The following VWA3A variants were observed in gnomAD, a reference collection of about 807,000 sequenced individuals.
VWA3A encodes the protein von Willebrand factor A domain-containing protein 3A.
A neutral mutation model predicts 160.4 loss-of-function variants in VWA3A; 134 were observed. The observed-to-expected ratio is 0.84, with a 90% CI of 0.73 to 0.96. The LOEUF (loss-of-function observed/expected upper bound fraction) is 0.96, where lower values mean the gene tolerates loss of function less well. Among genes scored for constraint, VWA3A ranks in the 40% least tolerant of loss-of-function variants. The pLI is 0.00. For missense variants in VWA3A, 1,310 were observed against 1,447.9 expected, an observed-to-expected ratio of 0.90 and a Z score of 1.55; for synonymous variants, 476 against 543.4, an observed-to-expected ratio of 0.88 and a Z score of 1.72.
At chr16:22,134,752 TA>T (rs2046011421) in intron 21 of VWA3A, among the ~76,000 whole-genome samples, 1 of 152,164 alleles carries the variant, frequency 6.6e-6, no homozygotes, top group African/African-American at 2.4e-5. Flanking sequence ...ACTATTGCAA[TA>T]GGGGAGAGAG....
At chr16:22,117,627 A>G (rs770056249) in intron 11 of VWA3A, among the ~76,000 whole-genome samples, 26 of 152,202 alleles carry the variant, frequency 1.7e-4, no homozygotes, top group Non-Finnish European at 3.4e-4. Context: ...CGATCCATCC[A>G]TTACTGTCCT....
In VWA3A at chr16:22,155,708, G is replaced by C. The variant is rs1229220286; in HGVS notation, c.3503+44G>C. On this transcript the variant is annotated intron_variant, in intron 32 of 33. Coordinates refer to ENST00000389398, the MANE Select transcript of VWA3A (RefSeq NM_173615.5). ...CTCTCCGGCCTGCCATGTGGCTACA[G>C]CCCATGCAGACCCCGGACCCCATCG... 1.9e-6 allele frequency: 3 copies of C among 1,605,034 alleles called. No individual in the cohort carries two copies. The African/African-American group carries it at 4.0e-5, about 21-fold the overall frequency.
In VWA3A at chr16:22,119,046, A is replaced by G. The variant is rs1158178367; in HGVS notation, c.1116+19A>G. 1 of 1,592,452 alleles carries G rather than the reference A, an allele frequency of 6.3e-7. No homozygotes were observed. The highest frequency in any genetic ancestry group is 1.1e-5 in the South Asian group (1 of 88,448). On this transcript the variant is annotated intron_variant, in intron 12 of 33. Coordinates refer to ENST00000389398, the MANE Select transcript of VWA3A (RefSeq NM_173615.5). ...GGAGGAGGTAGGTGGTGCGAGTGTC[A>G]ATTCTGGGGCCTTCTCCCAGCAGCA... is the stretch of plus-strand genomic sequence containing the variant.
Position 22,115,891 on chromosome 16 carries a change from A to G in VWA3A, c.815+419A>G, listed in dbSNP as rs1194105769. On this transcript the variant is annotated intron_variant, in intron 9 of 33. Coordinates refer to ENST00000389398, the MANE Select transcript of VWA3A (RefSeq NM_173615.5). ...GAAGGAAGGAAGGAAGGAAGGAAGG[A>G]AGGAAGGAAGGAAGGAAGGAAGGAA... Among the ~76,000 whole-genome samples, 6 of 34,440 alleles carry G rather than the reference A, an allele frequency of 1.7e-4. No homozygotes were observed. In the East Asian group the frequency reaches 0.019, roughly 109 times the overall value. The allele number at this position is 34,440 out of a possible 152,430, so 22.6% of individuals were successfully genotyped here. A position where few individuals can be genotyped will look rare whatever the true frequency, so the allele number is the denominator to read the frequency against.
intron 25 of VWA3A, among the ~76,000 whole-genome samples, chr16:22,144,016 G>A (rs2046202187): frequency 6.6e-6 from 1 of 151,888 alleles, no homozygotes; most frequent in African/African-American, 2.4e-5. Context: ...AAAGTGCTAG[G>A]ATTACAGGCA....
intron 27 of VWA3A, chr16:22,147,461 G>A (rs2046273735): frequency 1.5e-6 from 1 of 652,364 alleles, no homozygotes; most frequent in East Asian, 2.7e-5. Context: ...TCGGGCTATG[G>A]GGCCTGGAGG....
chr16:22,131,489 T>C (rs2045947163), intron 18 of VWA3A, 96 bp from the exon 19 acceptor site: 2 of 1,552,912 alleles, frequency 1.3e-6, no homozygotes, highest in African/African-American at 1.4e-5. Context: ...ATCGACTCCA[T>C]CACGTCTGAG....
chr16:22,114,245 A>G (rs1192599021), intron 8 of VWA3A, among the ~76,000 whole-genome samples: 1 of 152,210 alleles, frequency 6.6e-6, no homozygotes, highest in Non-Finnish European at 1.5e-5. Context: ...TGAAGTAGAA[A>G]GAACAGACCT....
chr16:22,131,492 C>T (rs1051203319), intron 18 of VWA3A, 93 bp from the exon 19 acceptor site: 12 of 1,556,184 alleles, frequency 7.7e-6, no homozygotes, highest in Middle Eastern at 1.7e-4. Context: ...GACTCCATCA[C>T]GTCTGAGATG....
At chr16:22,116,683 A>T in intron 9 of VWA3A, 76 bp from the exon 10 acceptor site, 4 of 1,169,024 alleles carry the variant, frequency 3.4e-6, no homozygotes, top group Non-Finnish European at 5.0e-6. Context: ...GTTCCTTGGG[A>T]ATTACCGTTT....
chr16:22,093,178 C>T (rs959104009), intron 1 of VWA3A, among the ~76,000 whole-genome samples: 2 of 152,010 alleles, frequency 1.3e-5, no homozygotes, highest in South Asian at 2.1e-4. Flanking sequence ...CAAAAATGTC[C>T]TAGCTGTGAA....
chr16:22,124,220 C>T (rs955133908), intron 16 of VWA3A, among the ~76,000 whole-genome samples: 1 of 149,444 alleles, frequency 6.7e-6, no homozygotes, highest in African/African-American at 2.5e-5. Context: ...AATCACACCT[C>T]CTCCCTGGCC....
chr16:22,148,080 TGATA>T (rs756462834), intron 27 of VWA3A, 78 bp from the exon 28 acceptor site: 45 of 1,462,680 alleles, frequency 3.1e-5, no homozygotes, highest in African/African-American at 4.3e-5. Context: ...ACTTTATACT[TGATA>T]GATAGAGTGA....
At chr16:22,141,554 T>C (rs1598098215) in intron 23 of VWA3A, 28 bp from the exon 24 acceptor site, 2 of 1,585,846 alleles carry the variant, frequency 1.3e-6, no homozygotes, top group Non-Finnish European at 1.7e-6. Flanking sequence ...ATGCAGCTGC[T>C]CCAGCCAACA....
chr16:22,140,076 A>C, intron 22 of VWA3A, 78 bp from the exon 23 acceptor site: 1 of 1,438,578 alleles, frequency 7.0e-7, no homozygotes, highest in African/African-American at 1.4e-5. Context: ...CCTGATTGAC[A>C]AATTGAGGTC....
intron 30 of VWA3A, among the ~76,000 whole-genome samples, chr16:22,151,884 A>G (rs1258426486): frequency 6.6e-6 from 1 of 152,116 alleles, no homozygotes; most frequent in East Asian, 1.9e-4. Context: ...GGCCTAACAC[A>G]TAGTAGGCAC....
chr16:22,121,112 C>T lies in VWA3A; in HGVS notation c.1252+9C>T. On this transcript the variant is annotated intron_variant, in intron 13 of 33. Coordinates refer to ENST00000389398, the MANE Select transcript of VWA3A (RefSeq NM_173615.5). ...GGTCAATGGTCTGAAAGGTAAATCT[C>T]CAAAGAGGGCAGAACCCAGGAAACA... 1 of 1,613,806 alleles carries T rather than the reference C, an allele frequency of 6.2e-7. No individual in the cohort carries two copies.
intron 30 of VWA3A, among the ~76,000 whole-genome samples, chr16:22,151,286 AAAAAGAAAG>A (rs1001298571): frequency 1.9e-4 from 29 of 152,202 alleles, no homozygotes; most frequent in African/African-American, 7.0e-4. Flanking sequence ...AAAAAAAAAA[AAAAAGAAAG>A]AAAAGAAAGA....
intron 6 of VWA3A, among the ~76,000 whole-genome samples, chr16:22,107,459 T>C (rs2045497623): frequency 6.6e-6 from 1 of 151,676 alleles, no homozygotes; most frequent in Non-Finnish European, 1.5e-5. Flanking sequence ...AAGAAGAGAG[T>C]GGCCAGGCAC....
Sources: allele counts gnomAD v4.1 joint callset (sites outside exome capture counted in the v4.1 genomes callset), GRCh38; gene constraint gnomAD v4.1.1; transcripts MANE v1.5; gene names NCBI Gene and HGNC (gene_info 2026-07-23, HGNC 2026-07-21).